DGKD: variants seen among roughly 807,000 people sequenced by gnomAD.
The protein encoded by DGKD is DAG kinase delta.
Under a neutral mutation model 154.4 loss-of-function variants are expected in DGKD, and 68 were observed. The ratio of observed to expected loss-of-function variants is 0.44; its 90% CI spans 0.36 to 0.54. The LOEUF (loss-of-function observed/expected upper bound fraction) is 0.54, where lower values mean the gene tolerates loss of function less well. Among genes scored for constraint, DGKD ranks in the 20% least tolerant of loss-of-function variants. The pLI is 0.00. For missense variants in DGKD, 1,343 were observed against 1,593.6 expected, an observed-to-expected ratio of 0.84 and a Z score of 2.68; for synonymous variants, 693 against 638.0, an observed-to-expected ratio of 1.09 and a Z score of -1.30.
At chr2:233,393,117 T>C (rs921418572) in intron 3 of DGKD, among the ~76,000 whole-genome samples, 4 of 151,980 alleles carry the variant, frequency 2.6e-5, no homozygotes, top group African/African-American at 9.7e-5. Flanking sequence ...CTCCACCTCC[T>C]GTGTTCAAGC....
At position 233,451,174 on chromosome 2, in the gene DGKD, T is replaced by C. The variant is rs897922738; in HGVS notation, c.2167+124T>C. ...AGGCCCCTGAGAAAGATAGGTGGAATTGAAAAATTTACACGACTGTATGAA... is the reference window on the plus strand; with the variant it reads ...AGGCCCCTGAGAAAGATAGGTGGAACTGAAAAATTTACACGACTGTATGAA... On this transcript the variant is annotated intron_variant, in intron 17 of 29. Coordinates refer to ENST00000264057, the MANE Select transcript of DGKD (RefSeq NM_152879.3). 5.4e-6 allele frequency: 6 copies of C among 1,105,864 alleles called. No homozygotes were observed. The East Asian group carries it at 1.6e-4, about 29-fold the overall frequency. 68.5% of individuals were successfully genotyped at this position (1,105,864 alleles called of 1,614,324 possible).
intron 1 of DGKD, among the ~76,000 whole-genome samples, chr2:233,371,972 T>C (rs1426201807): frequency 6.6e-6 from 1 of 152,244 alleles, no homozygotes; most frequent in East Asian, 1.9e-4. Flanking sequence ...TAAAAGGAAG[T>C]ATCTGCATTT....
At position 233,434,881 on chromosome 2, in the gene DGKD, C is replaced by T. The variant is rs1325916707; in HGVS notation, c.566C>T (p.Ser189Leu). The T allele has an allele frequency of 6.8e-6, 11 of 1,613,776 alleles. No homozygotes were observed. Among genetic ancestry groups the T allele is most frequent in the African/African-American group, 1.3e-5 (1 of 74,926 alleles). The change falls in exon 5 of 30, where the codon TCG becomes TTG. Residue 189 changes from serine (S) to leucine (L), a missense_variant. Ser to Leu is a moderately radical substitution (Grantham distance 145). Coordinates refer to ENST00000264057, the MANE Select transcript of DGKD (RefSeq NM_152879.3). ...CGTGAGGCTCTGTCTGGGGTCACGT[C>T]GCACGGGCTGTCCTGCGAGGGTACG... ...VCREALSGVT[S>L]HGLSCEVCKF...
At chr2:233,380,024 A>G (rs1702801557) in intron 1 of DGKD, 1 of 152,240 alleles carries the variant, frequency 6.6e-6, no homozygotes, top group African/African-American at 2.4e-5. Context: ...GTTGAGAGGC[A>G]CTGAGGCAGA....
At chr2:233,415,266 T>C (rs1294591394) in intron 3 of DGKD, among the ~76,000 whole-genome samples, 2 of 152,200 alleles carry the variant, frequency 1.3e-5, no homozygotes, top group African/African-American at 2.4e-5. Flanking sequence ...CAAAAGAAAC[T>C]CTATTTTAAT....
rs75356822 is a variant in DGKD at position 233,392,914 on chromosome 2, T to G, written c.348+2431T>G. On this transcript the variant is annotated intron_variant, in intron 3 of 29. Transcript: ENST00000264057. ...CTTTGCATTTCTAATTTTATTAGTT[T>G]AGTTTGCTTTTCTTGTCAGATTTCG... Among the ~76,000 whole-genome samples the G allele has an allele frequency of 6.2e-3, 951 of 152,380 alleles. 8 individuals carry two copies. The highest frequency in any genetic ancestry group is 0.021 in the African/African-American group (888 of 41,594).
intron 1 of DGKD, among the ~76,000 whole-genome samples, chr2:233,380,228 A>G (rs1702814960): frequency 6.6e-6 from 1 of 152,214 alleles, no homozygotes; most frequent in Non-Finnish European, 1.5e-5. Context: ...TAAAGAGGAA[A>G]CGTGGGGGTC....
At chr2:233,437,103 C>T (rs1419894082) in intron 7 of DGKD, among the ~76,000 whole-genome samples, 3 of 152,218 alleles carry the variant, frequency 2.0e-5, no homozygotes, top group African/African-American at 7.2e-5. Flanking sequence ...GTCGAAGGGC[C>T]AGAAGGTTGG....
intron 3 of DGKD, among the ~76,000 whole-genome samples, chr2:233,428,839 T>G (rs1253684666): frequency 6.6e-6 from 1 of 152,164 alleles, no homozygotes. Context: ...CTCAGGCTTC[T>G]TCACAACAGA....
Position 233,469,527 on chromosome 2 carries a change from C to T in DGKD, c.*67C>T. ...GAGGCCTAGCCTCCGCCCTCTCAGC[C>T]TGTGGCCTCTGCGCCTCCTGCCACT... On this transcript the variant is annotated 3_prime_UTR_variant, in exon 30 of 30. Coordinates refer to ENST00000264057, the MANE Select transcript of DGKD (RefSeq NM_152879.3). 7.1e-7 allele frequency: 1 copy of T among 1,404,342 alleles called. No individual in the cohort carries two copies. Among genetic ancestry groups the T allele is most frequent in the East Asian group, 2.5e-5 (1 of 40,220 alleles). The allele number at this position is 1,404,342 out of a possible 1,614,324, so 87.0% of individuals were successfully genotyped here.
intron 10 of DGKD, among the ~76,000 whole-genome samples, chr2:233,442,754 C>T (rs1343892987): frequency 4.6e-5 from 7 of 152,012 alleles, no homozygotes; most frequent in East Asian, 1.9e-4. Context: ...TACAGGCGCA[C>T]GCTACCACGC....
intron 3 of DGKD, among the ~76,000 whole-genome samples, chr2:233,427,337 CTTTTT>C (rs35153949): frequency 2.4e-5 from 2 of 83,762 alleles, no homozygotes; most frequent in Admixed American, 1.4e-4. Context: ...TATTGCCCTG[CTTTTT>C]TTTTTTTTTT....
At chr2:233,429,307 A>G (rs889337846) in intron 3 of DGKD, 4 of 985,104 alleles carry the variant, frequency 4.1e-6, no homozygotes, top group Admixed American at 6.1e-5. Flanking sequence ...AGTAAGGTAT[A>G]TTATCTTTCT....
chr2:233,435,038 G>A, intron 5 of DGKD, 137 bp downstream of exon 5: 3 of 1,208,518 alleles, frequency 2.5e-6, no homozygotes, highest in Non-Finnish European at 3.4e-6. Context: ...AGCGATTTCT[G>A]TGATGCCATT....
intron 14 of DGKD, 75 bp downstream of exon 14, chr2:233,448,450 G>T: frequency 7.4e-7 from 1 of 1,344,956 alleles, no homozygotes; most frequent in South Asian, 1.3e-5. Context: ...AGAGGGCCGT[G>T]ACTGCAGGTT....
chr2:233,423,128 T>C (rs1234537540), intron 3 of DGKD, among the ~76,000 whole-genome samples: 1 of 152,146 alleles, frequency 6.6e-6, no homozygotes, highest in Non-Finnish European at 1.5e-5. Context: ...ATTCCACGGG[T>C]GTACCACAGT....
chr2:233,467,157 G>T lies in DGKD; in HGVS notation c.3378G>T (p.Glu1126Asp). ...GCCTCGTGACCAAGTTTAAAAAGGA[G>T]AAAAACAACAAGAACAAAGAAGCTC... ...KFRLVTKFKK[E>D]KNNKNKEAHS... Residue 1126 changes from glutamate to aspartate, a missense_variant, in exon 28 of 30, where the codon GAG becomes GAT. Coordinates refer to ENST00000264057, the MANE Select transcript of DGKD (RefSeq NM_152879.3). The T allele has an allele frequency of 6.2e-7, 1 of 1,614,210 alleles. No homozygotes were observed. Among genetic ancestry groups the T allele is most frequent in the South Asian group, 1.1e-5 (1 of 91,088 alleles).
intron 12 of DGKD, chr2:233,447,762 C>T (rs1033564803): frequency 8.1e-6 from 9 of 1,113,540 alleles, no homozygotes; most frequent in African/African-American, 3.3e-5. Flanking sequence ...GGAGCCGACC[C>T]GCCAGCATGC....
intron 1 of DGKD, among the ~76,000 whole-genome samples, chr2:233,362,563 A>G (rs1343911407): frequency 6.6e-6 from 1 of 152,220 alleles, no homozygotes; most frequent in Admixed American, 6.5e-5. Context: ...AGGCAGGAGC[A>G]TCGCTTGAAC....
Sources: allele counts gnomAD v4.1 joint callset (sites outside exome capture counted in the v4.1 genomes callset), GRCh38; gene constraint gnomAD v4.1.1; transcripts MANE v1.5; gene names NCBI Gene and HGNC (gene_info 2026-07-23, HGNC 2026-07-21).